CDH4: variants seen among roughly 807,000 people sequenced by gnomAD.
CDH4 encodes cadherin-4.
In CDH4, 33 loss-of-function variants were observed where a neutral mutation model predicts 86.0. The ratio of observed to expected loss-of-function variants is 0.38; its 90% CI spans 0.29 to 0.51. The LOEUF is 0.51. CDH4 is among the 20% of genes least tolerant of loss of function. The pLI is 0.86. For synonymous variants in CDH4, 555 were observed against 549.4 expected (o/e 1.01, Z -0.14); for missense variants, 1,114 against 1,307.4 (o/e 0.85, Z 2.28).
chr20:61,431,543 A>G (rs778620913), intron 2 of CDH4, among the ~76,000 whole-genome samples: 51 of 151,596 alleles, frequency 3.4e-4, no homozygotes, highest in Non-Finnish European at 5.3e-4. Context: ...TATTTTTTGT[A>G]GAGACAGGGT....
chr20:61,476,762 G>A (rs949236918), intron 2 of CDH4, among the ~76,000 whole-genome samples: 7 of 152,220 alleles, frequency 4.6e-5, no homozygotes, highest in Non-Finnish European at 1.0e-4. Context: ...CAGTGTTCCT[G>A]AATATGGTTG....
chr20:61,440,985 C>T (rs530052093), intron 2 of CDH4, among the ~76,000 whole-genome samples: 60 of 152,304 alleles, frequency 3.9e-4, no homozygotes, highest in African/African-American at 1.4e-3. Context: ...GGATCTGAGC[C>T]GGAAGTTTCT....
chr20:61,429,278 G>A (rs573421519), intron 2 of CDH4, among the ~76,000 whole-genome samples: 84 of 152,176 alleles, frequency 5.5e-4, no homozygotes, highest in African/African-American at 1.8e-3. Context: ...TTTATTCAAC[G>A]TACCTAAATC....
chr20:61,265,126 C>T (rs2084150366), intron 2 of CDH4, among the ~76,000 whole-genome samples: 1 of 146,050 alleles, frequency 6.8e-6, no homozygotes, highest in African/African-American at 2.6e-5. Context: ...TACAGTGGCT[C>T]CTTCATTCAG....
intron 2 of CDH4, among the ~76,000 whole-genome samples, chr20:61,731,033 TGTGGGCA>T (rs759480106): frequency 2.0e-5 from 3 of 151,876 alleles, no homozygotes; most frequent in Non-Finnish European, 4.4e-5. Flanking sequence ...GGGTGTGCTG[TGTGGGCA>T]GACCCCAGAG....
chr20:61,852,363 C>CT (rs1029708453), intron 5 of CDH4, among the ~76,000 whole-genome samples: 14 of 152,224 alleles, frequency 9.2e-5, no homozygotes, highest in African/African-American at 3.1e-4. Flanking sequence ...GCACAAATGT[C>CT]TTTTCTGTTG....
chr20:61,903,516 G>C (rs370959046), intron 8 of CDH4, among the ~76,000 whole-genome samples: 14 of 138,436 alleles, frequency 1.0e-4, no homozygotes, highest in African/African-American at 3.5e-4. Flanking sequence ...TTGCACTCCA[G>C]CGTGGGCAGC....
At chr20:61,934,318 G>A (rs1479776815) in intron 15 of CDH4, 98 bp downstream of exon 15, 8 of 1,329,540 alleles carry the variant, frequency 6.0e-6, no homozygotes, top group Admixed American at 3.0e-5. Flanking sequence ...AGTGCCGGCG[G>A]CTGCCGTGGG....
At chr20:61,631,242 T>A (rs2086885478) in intron 2 of CDH4, among the ~76,000 whole-genome samples, 1 of 152,178 alleles carries the variant, frequency 6.6e-6, no homozygotes, top group Admixed American at 6.5e-5. Flanking sequence ...CTGTGTCCAC[T>A]GTGCATGTCA....
At chr20:61,825,068 T>A (rs1012348955) in intron 4 of CDH4, among the ~76,000 whole-genome samples, 1 of 152,162 alleles carries the variant, frequency 6.6e-6, no homozygotes, top group African/African-American at 2.4e-5. Context: ...GGTGATTTTT[T>A]TTTCCTTTCA....
intron 2 of CDH4, among the ~76,000 whole-genome samples, chr20:61,272,149 C>T (rs1259728529): frequency 6.6e-6 from 1 of 152,226 alleles, no homozygotes; most frequent in African/African-American, 2.4e-5. Context: ...CCCGAGGCTG[C>T]AGCCTGCTGG....
At chr20:61,843,456 CAAAAAAAAA>C (rs869283452) in intron 4 of CDH4, among the ~76,000 whole-genome samples, 2 of 58,848 alleles carry the variant, frequency 3.4e-5, no homozygotes, top group Non-Finnish European at 5.7e-5. Flanking sequence ...GACTCCGTCT[CAAAAAAAAA>C]AAAAAAAAAA....
At chr20:61,504,123 G>T (rs2085723648) in intron 2 of CDH4, among the ~76,000 whole-genome samples, 1 of 152,212 alleles carries the variant, frequency 6.6e-6, no homozygotes, top group African/African-American at 2.4e-5. Context: ...TTCTTGGAGG[G>T]CCTTCAGGAT....
Position 61,681,760 on chromosome 20 carries a change from G to A in CDH4, c.170-61803G>A, listed in dbSNP as rs971782078. Among the ~76,000 whole-genome samples the A allele has an allele frequency of 6.6e-6, 1 of 152,212 alleles. No individual in the cohort carries two copies. Among genetic ancestry groups the A allele is most frequent in the African/African-American group, 2.4e-5 (1 of 41,448 alleles). On this transcript the variant is annotated intron_variant, in intron 2 of 15. Coordinates refer to ENST00000614565, the MANE Select transcript of CDH4 (RefSeq NM_001794.5). The surrounding 1 kb of genome is among the most constrained non-coding windows in gnomAD (Gnocchi z 4.5). ...CCCTAGAAAGCCCTGCGTCGGTGTT[G>A]CTGTGTTCTCAGGCCCGTGCAGCTG...
chr20:61,513,302 C>T (rs781247780), intron 2 of CDH4, among the ~76,000 whole-genome samples: 1 of 152,238 alleles, frequency 6.6e-6, no homozygotes, highest in Non-Finnish European at 1.5e-5. Flanking sequence ...GGAAAGGGAA[C>T]ATCCACGGTC....
chr20:61,736,847 G>A (rs1168556703), intron 2 of CDH4, among the ~76,000 whole-genome samples: 1 of 152,152 alleles, frequency 6.6e-6, no homozygotes, highest in Non-Finnish European at 1.5e-5. Flanking sequence ...CCAAGACTGG[G>A]GTGACAGAGG....
chr20:61,273,839 T>C (rs2084203826), intron 2 of CDH4, among the ~76,000 whole-genome samples: 1 of 150,034 alleles, frequency 6.7e-6, no homozygotes, highest in African/African-American at 2.5e-5. Flanking sequence ...ATGTGCAGTT[T>C]GGGGGAGTAC....
At chr20:61,933,221 A>G (rs2055136100) in intron 14 of CDH4, 97 bp downstream of exon 14, 1 of 1,465,648 alleles carries the variant, frequency 6.8e-7, no homozygotes, top group Non-Finnish European at 9.3e-7. Context: ...ACAGTAAGAC[A>G]TTTCAACCTT....
chr20:61,271,281 C>T (rs183348652), intron 2 of CDH4, among the ~76,000 whole-genome samples: 2 of 152,284 alleles, frequency 1.3e-5, no homozygotes, highest in South Asian at 2.1e-4. Flanking sequence ...AAAGGTTCTG[C>T]GACGAGAGCA....
Sources: allele counts gnomAD v4.1 joint callset (sites outside exome capture counted in the v4.1 genomes callset), GRCh38; gene constraint gnomAD v4.1.1; non-coding constraint Gnocchi (gnomAD v3.1); transcripts MANE v1.5; gene names NCBI Gene and HGNC (gene_info 2026-07-23, HGNC 2026-07-21).